RPSA2: variants seen among roughly 807,000 people sequenced by gnomAD.
The protein encoded by RPSA2 is ribosomal protein SA 2.
At chr19:23,824,204 A>G in the RPSA2 span, among the ~76,000 whole-genome samples, 1 of 152,248 alleles carries the variant, frequency 6.6e-6, no homozygotes, top group Non-Finnish European at 1.5e-5. Context: ...CTGACCTTGC[A>G]GCTGCATTGG....
At chr19:23,815,554 A>G in the RPSA2 span, among the ~76,000 whole-genome samples, 1 of 152,218 alleles carries the variant, frequency 6.6e-6, no homozygotes, top group African/African-American at 2.4e-5. Context: ...ACTCACCAGA[A>G]GCAGATGCTG....
At chr19:23,808,953 C>A in the RPSA2 span, 2 of 259,800 alleles carry the variant, frequency 7.7e-6, no homozygotes, top group East Asian at 1.1e-4. Flanking sequence ...AAATTATACT[C>A]TCACGTAGGG....
At chr19:23,821,172 CAG>C in the RPSA2 span, among the ~76,000 whole-genome samples, 83 of 152,316 alleles carry the variant, frequency 5.4e-4, 2 homozygotes, top group East Asian at 0.015. Context: ...TGTTATAACT[CAG>C]TGCGATACTC....
chr19:23,860,215 T>A, the RPSA2 span, among the ~76,000 whole-genome samples: 1 of 152,182 alleles, frequency 6.6e-6, no homozygotes, highest in Non-Finnish European at 1.5e-5. Context: ...TTCTAAGCAA[T>A]CATTCATGTT....
chr19:23,861,461 C>T, the RPSA2 span, among the ~76,000 whole-genome samples: 1 of 152,172 alleles, frequency 6.6e-6, no homozygotes, highest in Admixed American at 6.5e-5. Flanking sequence ...TAGCATATCT[C>T]CCCCCATGTG....
the RPSA2 span, among the ~76,000 whole-genome samples, chr19:23,775,360 C>A: frequency 0.34 from 51,451 of 151,918 alleles, 8,998 homozygotes; most frequent in Non-Finnish European, 0.38. Context: ...AGGTAGATGG[C>A]AACTCTCATA....
At chr19:23,852,715 C>T in the RPSA2 span, among the ~76,000 whole-genome samples, 1 of 152,204 alleles carries the variant, frequency 6.6e-6, no homozygotes, top group Non-Finnish European at 1.5e-5. Context: ...TGTTATATTG[C>T]TGCAGAGATT....
At chr19:23,772,967 G>C in the RPSA2 span, among the ~76,000 whole-genome samples, 1,776 of 152,198 alleles carry the variant, frequency 0.012, 38 homozygotes, top group African/African-American at 0.04. Context: ...ATTTATACTG[G>C]ATAAAGCCAT....
At chr19:23,853,281 A>T in the RPSA2 span, among the ~76,000 whole-genome samples, 10 of 152,362 alleles carry the variant, frequency 6.6e-5, no homozygotes, top group South Asian at 2.1e-3. Flanking sequence ...GGCAGGCATG[A>T]CAGGTTGGAT....
chr19:23,843,874 C>T, the RPSA2 span, among the ~76,000 whole-genome samples: 23 of 152,150 alleles, frequency 1.5e-4, no homozygotes, highest in Admixed American at 3.3e-4. Context: ...ATTCTCCCGC[C>T]GCAGCCTTCT....
At chr19:23,844,471 G>A in the RPSA2 span, among the ~76,000 whole-genome samples, 1 of 151,954 alleles carries the variant, frequency 6.6e-6, no homozygotes, top group Non-Finnish European at 1.5e-5. Flanking sequence ...TACTCATGTT[G>A]GCTATTTGTA....
the RPSA2 span, among the ~76,000 whole-genome samples, chr19:23,868,378 A>C: frequency 3.9e-5 from 6 of 152,332 alleles, no homozygotes; most frequent in Admixed American, 2.0e-4. Flanking sequence ...AACAATTAAA[A>C]ACTGACAATA....
the RPSA2 span, among the ~76,000 whole-genome samples, chr19:23,766,665 A>G: frequency 2.0e-5 from 3 of 151,742 alleles, no homozygotes; most frequent in Non-Finnish European, 2.9e-5. Context: ...CGTGTTAGCC[A>G]GGATGGTCTT....
At chr19:23,790,586 T>G in the RPSA2 span, among the ~76,000 whole-genome samples, 2 of 151,970 alleles carry the variant, frequency 1.3e-5, no homozygotes, top group Non-Finnish European at 1.5e-5. Flanking sequence ...CACACACAAC[T>G]GGAGCAGACA....
chr19:23,758,850 G>T, the RPSA2 span: 2 of 1,545,576 alleles, frequency 1.3e-6, no homozygotes, highest in Non-Finnish European at 1.8e-6. Context: ...AGGACACAGA[G>T]CAGTGAAGAC....
the RPSA2 span, chr19:23,827,518 A>G: frequency 2.8e-5 from 44 of 1,597,000 alleles, no homozygotes; most frequent in Non-Finnish European, 2.7e-5. Flanking sequence ...TCTGGGAGCC[A>G]CGGCTTCTTG....
chr19:23,804,481 G>C, the RPSA2 span, among the ~76,000 whole-genome samples: 9 of 151,682 alleles, frequency 5.9e-5, no homozygotes, highest in Non-Finnish European at 1.3e-4. Context: ...ATTTTTAGTA[G>C]AGATGGGGTT....
chr19:23,850,148 C>T, the RPSA2 span, among the ~76,000 whole-genome samples: 2 of 151,376 alleles, frequency 1.3e-5, no homozygotes, highest in Admixed American at 1.3e-4. Context: ...CTCCAGGCAT[C>T]CACACACTAT....
At chr19:23,777,686 A>G in the RPSA2 span, among the ~76,000 whole-genome samples, 5 of 152,104 alleles carry the variant, frequency 3.3e-5, no homozygotes, top group African/African-American at 1.2e-4. Flanking sequence ...ACATCACTGG[A>G]CCCAGCAATT....
Sources: gnomAD v4.1 joint callset for allele counts (sites outside exome capture counted in the v4.1 genomes callset) on GRCh38, gnomAD v4.1.1 for gene constraint, MANE v1.5 for transcripts, NCBI Gene and HGNC (gene_info 2026-07-23, HGNC 2026-07-21) for gene names.